The following HERC4 variants were observed in gnomAD, a reference collection of about 807,000 sequenced individuals.
HERC4 encodes probable E3 ubiquitin-protein ligase HERC4.
Under a neutral mutation model 124.3 loss-of-function variants are expected in HERC4, and 28 were observed. The ratio of observed to expected loss-of-function variants is 0.23; its 90% CI spans 0.17 to 0.31. The LOEUF (loss-of-function observed/expected upper bound fraction) is 0.31. Ranked by LOEUF, HERC4 falls within the 10% of genes least tolerant of loss-of-function variation. The probability of loss-of-function intolerance (pLI) is 1.00; values close to 1 mark genes in which losing one functional copy is unlikely to be tolerated. For missense variants in HERC4, 713 were observed against 1,229.3 expected (o/e 0.58, Z 6.28); for synonymous variants, 407 against 421.5 (o/e 0.97, Z 0.42).
At chr10:67,924,989 T>C (rs2030724544) in intron 24 of HERC4, 96 bp downstream of exon 24, 2 of 676,324 alleles carry the variant, frequency 3.0e-6, no homozygotes, top group East Asian at 2.8e-5. Context: ...TAGTTCTGTT[T>C]CAAAAAAATT....
rs577555029 is a variant in HERC4, at chr10:67,989,730, T to C, written c.1633+481A>G. Among the ~76,000 whole-genome samples, 20 of 152,026 alleles carry C rather than the reference T, an allele frequency of 1.3e-4. No homozygotes were observed. The South Asian group carries it at 3.5e-3, about 27-fold the overall frequency. Reference sequence around the variant, plus strand: ...GCCAAAAAACCAGAACAGTAAGAGATAGAAGTGCAAGATCAGATGAGCAAT... The same window carrying C: ...GCCAAAAAACCAGAACAGTAAGAGACAGAAGTGCAAGATCAGATGAGCAAT... On this transcript the variant is annotated intron_variant, in intron 14 of 24. Transcript: ENST00000373700.
Position 68,051,641 on chromosome 10 carries a change from G to A in HERC4, c.227-7078C>T, listed in dbSNP as rs2040314363. On this transcript the variant is annotated intron_variant, in intron 3 of 24. Transcript: ENST00000373700. ...CCCAAAGTGCTGGGATTACAGGCGTGAGCCACCATGCCCGGCCAATGTTAA... is the reference window on the plus strand; with the variant it reads ...CCCAAAGTGCTGGGATTACAGGCGTAAGCCACCATGCCCGGCCAATGTTAA... Among the ~76,000 whole-genome samples, 8 of 150,400 alleles carry A rather than the reference G, an allele frequency of 5.3e-5. No individual in the cohort carries two copies. In the South Asian group the frequency reaches 1.7e-3, roughly 32 times the overall value.
chr10:67,941,993 A>G (rs1417144889), intron 19 of HERC4, among the ~76,000 whole-genome samples: 2 of 152,104 alleles, frequency 1.3e-5, no homozygotes, highest in Non-Finnish European at 2.9e-5. Flanking sequence ...TTGTATCATA[A>G]AAGTACAATG....
intron 4 of HERC4, chr10:68,039,338 A>G: frequency 6.8e-7 from 1 of 1,478,790 alleles, no homozygotes; most frequent in African/African-American, 1.4e-5. Flanking sequence ...AAAAAAAGAA[A>G]GAAAGAAAAG....
chr10:68,045,815 T>C (rs969272508), intron 3 of HERC4, among the ~76,000 whole-genome samples: 4 of 152,236 alleles, frequency 2.6e-5, no homozygotes, highest in African/African-American at 4.8e-5. Context: ...TTCAGAGGCA[T>C]AGTTTAGCTC....
intron 15 of HERC4, among the ~76,000 whole-genome samples, chr10:67,984,099 C>T (rs1484331676): frequency 6.6e-6 from 1 of 151,708 alleles, no homozygotes; most frequent in Non-Finnish European, 1.5e-5. Context: ...GCCAGGAGTT[C>T]GAGACCAGCC....
intron 3 of HERC4, among the ~76,000 whole-genome samples, chr10:68,070,902 T>G (rs930388105): frequency 2.0e-5 from 3 of 152,238 alleles, no homozygotes; most frequent in African/African-American, 7.2e-5. Context: ...CCCAGAAATC[T>G]TACTTTAATT....
At chr10:68,029,693 T>C (rs185768504) in intron 7 of HERC4, among the ~76,000 whole-genome samples, 1 of 147,980 alleles carries the variant, frequency 6.8e-6, no homozygotes, top group Non-Finnish European at 1.5e-5. Flanking sequence ...ATATTATATA[T>C]ATTTTTATTT....
intron 7 of HERC4, among the ~76,000 whole-genome samples, chr10:68,027,137 A>G (rs955340640): frequency 6.6e-6 from 1 of 152,256 alleles, no homozygotes; most frequent in Non-Finnish European, 1.5e-5. Context: ...GCTTTTCTTC[A>G]TAACTGTAGC....
chr10:67,968,487 C>T (rs2035029897), intron 15 of HERC4, among the ~76,000 whole-genome samples: 1 of 151,862 alleles, frequency 6.6e-6, no homozygotes, highest in African/African-American at 2.4e-5. Flanking sequence ...ATTCTCCTGC[C>T]ACAGCCTCCT....
Position 67,936,157 on chromosome 10 carries a change from T to C in HERC4, c.2650A>G (p.Asn884Asp). ...NGADTAVNKQ[N>D]RQEFVDAYVD... ...TTGCTGCTAAAATTCACTTACCGATTTTGTTTGTTAACAGCTGTGTCTGCA... is the reference window on the plus strand; with the variant it reads ...TTGCTGCTAAAATTCACTTACCGATCTTGTTTGTTAACAGCTGTGTCTGCA... The change falls in exon 22 of 25, where the codon AAT becomes GAT. Residue 884 changes from asparagine (N) to aspartate (D), a missense_variant. By Grantham distance (23) the Asn-to-Asp change is conservative (BLOSUM62 1). Coordinates refer to ENST00000373700, the MANE Select transcript of HERC4 (RefSeq NM_015601.4). 1.3e-6 allele frequency: 2 copies of C among 1,580,820 alleles called. No individual in the cohort carries two copies. Among genetic ancestry groups the C allele is most frequent in the Non-Finnish European group, 1.7e-6 (2 of 1,166,870 alleles).
intron 3 of HERC4, among the ~76,000 whole-genome samples, chr10:68,054,547 T>A (rs1311529122): frequency 6.6e-6 from 1 of 152,114 alleles, no homozygotes. Context: ...TTTCACCATG[T>A]TGGCCAGGCT....
At chr10:67,936,903 C>CTA (rs2032413536) in intron 21 of HERC4, among the ~76,000 whole-genome samples, 1 of 151,786 alleles carries the variant, frequency 6.6e-6, no homozygotes. Context: ...GTGATGTTTA[C>CTA]TATCTAGTAA....
At chr10:67,976,524 A>G (rs545504841) in intron 15 of HERC4, among the ~76,000 whole-genome samples, 2 of 152,320 alleles carry the variant, frequency 1.3e-5, no homozygotes, top group Non-Finnish European at 2.9e-5. Flanking sequence ...GGAAAGCTCC[A>G]CTGATTGTCC....
At chr10:68,041,084 G>A (rs746618837) in intron 4 of HERC4, among the ~76,000 whole-genome samples, 10 of 151,954 alleles carry the variant, frequency 6.6e-5, no homozygotes, top group African/African-American at 1.7e-4. Context: ...AATGTGTAGC[G>A]GCAATATAGG....
intron 3 of HERC4, chr10:68,069,198 C>A (rs2041448561): frequency 1.0e-6 from 1 of 962,298 alleles, no homozygotes; most frequent in African/African-American, 1.8e-5. Context: ...ATCTTCAGAA[C>A]TGAATTTGAA....
chr10:68,043,839 T>G (rs2039893286), intron 4 of HERC4, among the ~76,000 whole-genome samples: 1 of 152,016 alleles, frequency 6.6e-6, no homozygotes, highest in Admixed American at 6.6e-5. Flanking sequence ...CAAAAAACGA[T>G]TATGCCCTAT....
chr10:67,961,366 A>G (rs796919259), intron 16 of HERC4: 7 of 152,710 alleles, frequency 4.6e-5, no homozygotes, highest in African/African-American at 1.7e-4. Context: ...TACTGAACAC[A>G]GCACGTGCTT....
chr10:68,007,875 G>C (rs1031712225), intron 9 of HERC4: 2 of 152,900 alleles, frequency 1.3e-5, no homozygotes, highest in Non-Finnish European at 2.9e-5. Context: ...CCACTCCCAG[G>C]AAGTCACCAT....
Sources: gnomAD v4.1 joint callset for allele counts (sites outside exome capture counted in the v4.1 genomes callset) on GRCh38, gnomAD v4.1.1 for gene constraint, MANE v1.5 for transcripts, NCBI Gene and HGNC (gene_info 2026-07-23, HGNC 2026-07-21) for gene names.